Variants in BORCS5 observed in about 807,000 individuals in gnomAD.
BORCS5 encodes BLOC-1-related complex subunit 5.
In BORCS5, 17 loss-of-function variants were observed where a neutral mutation model predicts 22.1. The observed-to-expected ratio is 0.77, with a 90% CI of 0.53 to 1.15. The LOEUF is 1.15. Among genes scored for constraint, BORCS5 ranks in the 50% most tolerant of loss-of-function variants. The pLI, the probability that BORCS5 is intolerant of heterozygous loss-of-function variation, is 0.00. For synonymous variants in BORCS5, 117 were observed against 99.8 expected, an observed-to-expected ratio of 1.17 and a Z score of -1.03; for missense variants, 247 against 253.2, an observed-to-expected ratio of 0.98 and a Z score of 0.17.
chr12:12,457,531 A>C (rs553618661), intron 3 of BORCS5, among the ~76,000 whole-genome samples: 1 of 152,050 alleles, frequency 6.6e-6, no homozygotes, highest in Non-Finnish European at 1.5e-5. Context: ...TAGCTGGGCG[A>C]GGTGGTGGGC....
At chr12:12,367,949 T>C (rs372963596) in intron 2 of BORCS5, among the ~76,000 whole-genome samples, 10 of 152,232 alleles carry the variant, frequency 6.6e-5, no homozygotes, top group African/African-American at 2.2e-4. Context: ...ACGAACACTT[T>C]CTTTCAATTC....
At chr12:12,411,830 A>G (rs112922024) in intron 2 of BORCS5, among the ~76,000 whole-genome samples, 1 of 152,154 alleles carries the variant, frequency 6.6e-6, no homozygotes, top group African/African-American at 2.4e-5. Flanking sequence ...TAAGGGTCCA[A>G]CCTCATTCTT....
chr12:12,423,690 C>T (rs368777607), intron 2 of BORCS5, among the ~76,000 whole-genome samples: 1 of 70,698 alleles, frequency 1.4e-5, no homozygotes, highest in African/African-American at 7.0e-5. Flanking sequence ...TTCTCGTTGT[C>T]TTTTTGTTTG....
chr12:12,470,193 C>T lies in BORCS5; in HGVS notation c.*4417C>T, dbSNP rs995942137. Among the ~76,000 whole-genome samples, 4 of 152,198 alleles carry T rather than the reference C, an allele frequency of 2.6e-5. No individual in the cohort carries two copies. Among genetic ancestry groups the T allele is most frequent in the African/African-American group, 4.8e-5 (2 of 41,432 alleles). Reference sequence around the variant, plus strand: ...TCAAGCAGTTATACTGTCTCAGCCTCCCGAGTAGCTGGGACTACAGGTGCC... The same window carrying T: ...TCAAGCAGTTATACTGTCTCAGCCTTCCGAGTAGCTGGGACTACAGGTGCC... On this transcript the variant is annotated 3_prime_UTR_variant, in exon 4 of 4. Transcript: ENST00000314565.
At chr12:12,398,262 T>G (rs1208934043) in intron 2 of BORCS5, among the ~76,000 whole-genome samples, 1 of 152,194 alleles carries the variant, frequency 6.6e-6, no homozygotes, top group Non-Finnish European at 1.5e-5. Context: ...ATGTCACACT[T>G]GGCAAGAAGC....
chr12:12,382,241 A>G (rs1026123307), intron 2 of BORCS5, among the ~76,000 whole-genome samples: 1 of 151,198 alleles, frequency 6.6e-6, no homozygotes, highest in Admixed American at 6.6e-5. Flanking sequence ...ATCATGGAGG[A>G]AGGTGAAGGA....
At chr12:12,455,652 A>ACCTGTAATCCCAGCTACTTGG (rs1942985563) in intron 3 of BORCS5, among the ~76,000 whole-genome samples, 2 of 151,858 alleles carry the variant, frequency 1.3e-5, no homozygotes, top group African/African-American at 4.8e-5. Context: ...GGTGGCACAC[A>ACCTGTAATCCCAGCTACTTGG]CCTGTAATCC....
At chr12:12,368,282 T>TG (rs1395841170) in intron 2 of BORCS5, among the ~76,000 whole-genome samples, 4 of 136,658 alleles carry the variant, frequency 2.9e-5, no homozygotes, top group East Asian at 2.0e-4. Flanking sequence ...TTCTGTTTTG[T>TG]TTTTTTTTTT....
chr12:12,380,288 TA>T lies in BORCS5; in HGVS notation c.202+18948del, dbSNP rs11395771. Reference sequence around the variant, plus strand: ...CACCCTGCCACAAATCTTCAATTTGTAAAAAAAAACACAGTATCTGTGAAGC... The same window carrying T: ...CACCCTGCCACAAATCTTCAATTTGTAAAAAAAACACAGTATCTGTGAAGC... On this transcript the variant is annotated intron_variant, in intron 2 of 3. Transcript: ENST00000314565. Among the ~76,000 whole-genome samples the T allele has an allele frequency of 3.3e-5, 5 of 149,618 alleles. 1 individual carries two copies. Among genetic ancestry groups the T allele is most frequent in the Non-Finnish European group, 3.0e-5 (2 of 67,090 alleles).
intron 3 of BORCS5, among the ~76,000 whole-genome samples, chr12:12,443,179 T>C (rs1942719021): frequency 6.6e-6 from 1 of 152,232 alleles, no homozygotes; most frequent in African/African-American, 2.4e-5. Context: ...CTGTGGCCGC[T>C]TTTAAATATA....
intron 3 of BORCS5, among the ~76,000 whole-genome samples, chr12:12,463,119 T>C (rs930741895): frequency 6.6e-6 from 1 of 152,164 alleles, no homozygotes; most frequent in African/African-American, 2.4e-5. Flanking sequence ...ATTGTCAAAA[T>C]GGTGATTCAG....
At chr12:12,457,709 C>G (rs1472795905) in intron 3 of BORCS5, among the ~76,000 whole-genome samples, 3 of 152,204 alleles carry the variant, frequency 2.0e-5, no homozygotes, top group Non-Finnish European at 4.4e-5. Flanking sequence ...TTTCAGATGT[C>G]TAAACAGGTC....
At chr12:12,411,154 A>G (rs996700700) in intron 2 of BORCS5, among the ~76,000 whole-genome samples, 2 of 152,210 alleles carry the variant, frequency 1.3e-5, no homozygotes, top group African/African-American at 2.4e-5. Flanking sequence ...TAGATATACA[A>G]TCATGTCATC....
chr12:12,419,418 C>A (rs1032782453), intron 2 of BORCS5, among the ~76,000 whole-genome samples: 1 of 152,174 alleles, frequency 6.6e-6, no homozygotes, highest in Non-Finnish European at 1.5e-5. Context: ...TGTATATGTG[C>A]CACATTTTCT....
intron 3 of BORCS5, among the ~76,000 whole-genome samples, chr12:12,441,407 C>T (rs1039559205): frequency 6.6e-6 from 1 of 152,216 alleles, no homozygotes; most frequent in African/African-American, 2.4e-5. Context: ...CTTAATTCTT[C>T]TGAGCCTCAG....
At chr12:12,405,151 G>A (rs1430017553) in intron 2 of BORCS5, among the ~76,000 whole-genome samples, 1 of 152,306 alleles carries the variant, frequency 6.6e-6, no homozygotes, top group East Asian at 1.9e-4. Context: ...CTTCAACGAA[G>A]TGAGTTCCAG....
chr12:12,360,440 C>G (rs1863254856), intron 1 of BORCS5, among the ~76,000 whole-genome samples: 1 of 152,002 alleles, frequency 6.6e-6, no homozygotes, highest in Non-Finnish European at 1.5e-5. Flanking sequence ...TGCTGTCTTA[C>G]CCATGCAGTG....
chr12:12,414,736 G>A (rs1341381346), intron 2 of BORCS5, among the ~76,000 whole-genome samples: 18 of 132,754 alleles, frequency 1.4e-4, no homozygotes, highest in African/African-American at 4.1e-4. Context: ...GGGCGGAGAC[G>A]CTCCTCACTT....
At position 12,445,496 on chromosome 12, in the gene BORCS5, C is replaced by CT. The variant is rs5796492; in HGVS notation, c.360+9730dup. ...AGATTTCTATCTTGAACATGCATTG[C>CT]TTTTTTTTTTTTTTTTTTTCAATTT... On this transcript the variant is annotated intron_variant, in intron 3 of 3. Transcript: ENST00000314565. Among the ~76,000 whole-genome samples, 310 of 45,720 alleles carry CT rather than the reference C, an allele frequency of 6.8e-3. 2 individuals carry two copies. The highest frequency in any genetic ancestry group is 0.017 in the Middle Eastern group (1 of 58). 30.0% of individuals were successfully genotyped at this position (45,720 alleles called of 152,430 possible).
Sources: gnomAD v4.1 joint callset for allele counts (sites outside exome capture counted in the v4.1 genomes callset) on GRCh38, gnomAD v4.1.1 for gene constraint, MANE v1.5 for transcripts, NCBI Gene and HGNC (gene_info 2026-07-23, HGNC 2026-07-21) for gene names.